The following HSD17B3 variants were observed in gnomAD, a reference collection of about 807,000 sequenced individuals.
HSD17B3 encodes hydroxysteroid 17-beta dehydrogenase 3.
In HSD17B3, 29 loss-of-function variants were observed where a neutral mutation model predicts 41.1. That is an observed-to-expected ratio of 0.71 (90% confidence interval 0.53 to 0.96). HSD17B3 has a LOEUF of 0.96. HSD17B3 is among the 40% of genes least tolerant of loss of function. The pLI is 0.00. For missense variants in HSD17B3, 323 were observed against 374.6 expected, an observed-to-expected ratio of 0.86 and a Z score of 1.14; for synonymous variants, 126 against 145.6, an observed-to-expected ratio of 0.87 and a Z score of 0.97.
At chr9:96,246,498 G>A in intron 7 of HSD17B3, 58 bp downstream of exon 7, 1 of 1,516,638 alleles carries the variant, frequency 6.6e-7, no homozygotes, top group Non-Finnish European at 9.2e-7. Flanking sequence ...CCCTGAGTTA[G>A]CTGACCGCCA....
rs772902740 is a variant in HSD17B3, at chr9:96,251,480, T to A, written c.391A>T (p.Asn131Tyr). 6.2e-7 allele frequency: 1 copy of A among 1,613,940 alleles called. No homozygotes were observed. Among genetic ancestry groups the A allele is most frequent in the African/African-American group, 1.3e-5 (1 of 74,894 alleles). Residue 131 changes from asparagine to tyrosine, a missense_variant, in exon 5 of 11, where the codon AAT becomes TAT. Asn to Tyr is a moderately radical substitution (Grantham distance 143). Transcript: ENST00000375263. ...AGLEIGILVN[N>Y]VGMLPNLLPS... The stretch of plus-strand genomic sequence containing the variant: ...AGAAGGTTTGGAAGCATTCCGACAT[T>A]GTTGACTGGCAGAAAGAAGCAAAAC...
chr9:96,244,545 A>G, intron 8 of HSD17B3, 151 bp from the exon 9 acceptor site: 1 of 742,960 alleles, frequency 1.3e-6, no homozygotes, highest in Non-Finnish European at 2.4e-6. Flanking sequence ...ACGGAGTTTC[A>G]GCTGCACAGG....
At chr9:96,244,268 G>T (rs1008699989) in intron 9 of HSD17B3, 61 bp downstream of exon 9, 3 of 1,538,804 alleles carry the variant, frequency 1.9e-6, no homozygotes, top group Non-Finnish European at 2.7e-6. Context: ...CCCTTCTCAA[G>T]GACTCACAGC....
At chr9:96,270,271 G>C (rs7043452) in intron 2 of HSD17B3, among the ~76,000 whole-genome samples, 100,431 of 142,078 alleles carry the variant, frequency 0.71, 35,173 homozygotes, top group Non-Finnish European at 0.75. Context: ...CACACACACA[G>C]AGAGAGAGAG....
intron 5 of HSD17B3, chr9:96,250,606 G>T: frequency 2.6e-6 from 1 of 388,328 alleles, no homozygotes; most frequent in Non-Finnish European, 3.7e-6. Context: ...GTTAAATGCG[G>T]CCGGGCGCAG....
chr9:96,241,232 T>C (rs1244104154), intron 9 of HSD17B3, among the ~76,000 whole-genome samples: 1 of 152,144 alleles, frequency 6.6e-6, no homozygotes, highest in Non-Finnish European at 1.5e-5. Context: ...CCAGTTAAAT[T>C]TGAAGTTCAG....
Position 96,284,215 on chromosome 9 carries a change from TAA to T in HSD17B3, c.201+14199_201+14200del, listed in dbSNP as rs569621446. Among the ~76,000 whole-genome samples, 950 of 100,152 alleles carry T rather than the reference TAA, an allele frequency of 9.5e-3. 7 individuals are homozygous for T. Among genetic ancestry groups the T allele is most frequent in the African/African-American group, 0.019 (499 of 26,392 alleles). The allele number at this position is 100,152 out of a possible 152,430, so 65.7% of individuals were successfully genotyped here. On this transcript the variant is annotated intron_variant, in intron 2 of 10. Coordinates refer to ENST00000375263, the MANE Select transcript of HSD17B3 (RefSeq NM_000197.2). ...TGGGTGACAAAGTGAGACTCCATCT[TAA>T]AAAAAAAAAAAAAAAAAAAAAAAGA... is the stretch of plus-strand genomic sequence containing the variant.
At chr9:96,300,063 C>T (rs537684875) in intron 1 of HSD17B3, among the ~76,000 whole-genome samples, 17 of 152,042 alleles carry the variant, frequency 1.1e-4, no homozygotes, top group African/African-American at 3.4e-4. Flanking sequence ...CCTACACAAA[C>T]GACAGCAGCT....
intron 2 of HSD17B3, among the ~76,000 whole-genome samples, chr9:96,256,625 C>T (rs965258163): frequency 3.9e-5 from 6 of 152,040 alleles, no homozygotes; most frequent in Admixed American, 1.3e-4. Flanking sequence ...GAGCTGAGAT[C>T]GTGCCACTGT....
chr9:96,262,376 T>C (rs181807871), intron 2 of HSD17B3, among the ~76,000 whole-genome samples: 3 of 151,402 alleles, frequency 2.0e-5, no homozygotes, highest in Admixed American at 2.0e-4. Flanking sequence ...CCCTAGTAGC[T>C]GGGATTACAG....
intron 2 of HSD17B3, among the ~76,000 whole-genome samples, chr9:96,256,544 G>A (rs181099631): frequency 7.2e-5 from 11 of 152,180 alleles, no homozygotes; most frequent in East Asian, 1.9e-4. Context: ...GATGGCACAC[G>A]CCTGTGATCC....
intron 2 of HSD17B3, among the ~76,000 whole-genome samples, chr9:96,279,809 A>G (rs915834666): frequency 9.3e-5 from 14 of 151,260 alleles, no homozygotes; most frequent in African/African-American, 1.5e-4. Context: ...TCGCTCTGTC[A>G]CCCAGGCTGG....
chr9:96,267,564 C>T (rs1276475444), intron 2 of HSD17B3, among the ~76,000 whole-genome samples: 2 of 151,730 alleles, frequency 1.3e-5, no homozygotes, highest in African/African-American at 2.4e-5. Flanking sequence ...AAACGTAAAA[C>T]ATTTTTAATT....
intron 7 of HSD17B3, 110 bp from the exon 8 acceptor site, chr9:96,245,536 G>T: frequency 1.3e-6 from 1 of 786,848 alleles, no homozygotes; most frequent in Non-Finnish European, 2.2e-6. Flanking sequence ...CCCTTTCTAG[G>T]CTTCCGCAAG....
At chr9:96,260,724 C>T (rs1463012069) in intron 2 of HSD17B3, among the ~76,000 whole-genome samples, 1 of 152,120 alleles carries the variant, frequency 6.6e-6, no homozygotes, top group African/African-American at 2.4e-5. Flanking sequence ...GAGATCGCAC[C>T]ACTGTACTCC....
intron 9 of HSD17B3, 91 bp downstream of exon 9, chr9:96,244,238 C>A: frequency 7.8e-7 from 1 of 1,282,894 alleles, no homozygotes; most frequent in African/African-American, 1.5e-5. Context: ...GTGGCCCCAG[C>A]CACGGGAGGT....
intron 4 of HSD17B3, among the ~76,000 whole-genome samples, chr9:96,252,554 AAAAAG>A (rs1825464323): frequency 1.3e-5 from 2 of 152,016 alleles, no homozygotes; most frequent in Admixed American, 1.3e-4. Flanking sequence ...AAAAAAAAAA[AAAAAG>A]AAAAGAAAAT....
At chr9:96,287,968 T>G (rs1826991519) in intron 2 of HSD17B3, among the ~76,000 whole-genome samples, 1 of 151,370 alleles carries the variant, frequency 6.6e-6, no homozygotes, top group Non-Finnish European at 1.5e-5. Context: ...TATTCTGCAG[T>G]AAAAATTAAA....
At chr9:96,297,197 G>T (rs987633103) in intron 2 of HSD17B3, among the ~76,000 whole-genome samples, 2 of 151,662 alleles carry the variant, frequency 1.3e-5, no homozygotes, top group African/African-American at 4.8e-5. Context: ...CTCTTATTTG[G>T]AATATCTCAT....
Sources: gnomAD v4.1 joint callset for allele counts (sites outside exome capture counted in the v4.1 genomes callset) on GRCh38, gnomAD v4.1.1 for gene constraint, MANE v1.5 for transcripts, NCBI Gene and HGNC (gene_info 2026-07-23, HGNC 2026-07-21) for gene names.